The following ABR variants were observed in gnomAD, a reference collection of about 807,000 sequenced individuals.
ABR encodes the protein active breakpoint cluster region-related protein.
ABR carries 35 observed loss-of-function variants against 107.2 expected under a neutral mutation model. That is an observed-to-expected ratio of 0.33 (90% confidence interval 0.25 to 0.43). The LOEUF (loss-of-function observed/expected upper bound fraction) is 0.43. Among genes scored for constraint, ABR ranks in the 20% least tolerant of loss-of-function variants. The pLI is 1.00. For missense variants in ABR, 815 were observed against 1,115.2 expected (o/e 0.73, Z 3.83); for synonymous variants, 498 against 462.0 (o/e 1.08, Z -1.00).
At chr17:1,089,641 T>C (rs543084983) in intron 4 of ABR, among the ~76,000 whole-genome samples, 31 of 152,282 alleles carry the variant, frequency 2.0e-4, no homozygotes, top group African/African-American at 7.0e-4. Flanking sequence ...CAGTGACCAC[T>C]GGGCTGGTTC....
At position 1,011,028 on chromosome 17, in the gene ABR, T is replaced by C; in HGVS notation, c.2102-165A>G. Reference sequence around the variant, plus strand: ...CACAGGTGTCTGTGACTCGGCTCTGTGGGTCGGGGTTGGGGGAACAGGGAG... The same window carrying C: ...CACAGGTGTCTGTGACTCGGCTCTGCGGGTCGGGGTTGGGGGAACAGGGAG... On this transcript the variant is annotated intron_variant, in intron 19 of 22. Coordinates refer to ENST00000302538, the MANE Select transcript of ABR (RefSeq NM_021962.5). The surrounding 1 kb of genome is among the most constrained non-coding windows in gnomAD (Gnocchi z 4.8). The C allele has an allele frequency of 1.2e-6, 1 of 868,990 alleles. No homozygotes were observed. 53.8% of individuals were successfully genotyped at this position (868,990 alleles called of 1,614,324 possible).
intron 16 of ABR, among the ~76,000 whole-genome samples, chr17:1,038,370 G>C (rs368517604): frequency 6.6e-6 from 1 of 152,226 alleles, no homozygotes; most frequent in Non-Finnish European, 1.5e-5. Context: ...AGCTCCAGTC[G>C]TGTCTCTGCT....
At chr17:1,144,728 C>G (rs542383523) in intron 1 of ABR, among the ~76,000 whole-genome samples, 1 of 151,986 alleles carries the variant, frequency 6.6e-6, no homozygotes, top group Admixed American at 6.6e-5. Flanking sequence ...CCCGTCTCTA[C>G]TAAAAATACA....
intron 10 of ABR, among the ~76,000 whole-genome samples, chr17:1,063,095 T>C (rs566443753): frequency 5.3e-4 from 74 of 138,594 alleles, no homozygotes; most frequent in African/African-American, 1.8e-3. Flanking sequence ...ACTGCTGTTA[T>C]GTGAACTGAG....
chr17:1,120,059 T>C (rs1312440407), intron 2 of ABR, among the ~76,000 whole-genome samples: 1 of 152,112 alleles, frequency 6.6e-6, no homozygotes, highest in East Asian at 1.9e-4. Context: ...CATGCCCAGC[T>C]AATCTTAGGC....
intron 1 of ABR, among the ~76,000 whole-genome samples, chr17:1,137,006 C>CTTTTT (rs1555522402): frequency 1.8e-3 from 20 of 11,050 alleles, no homozygotes; most frequent in Admixed American, 5.8e-3. Flanking sequence ...TAAATCATTT[C>CTTTTT]TTTTTTCTCT....
At chr17:1,191,327 T>C (rs796422596), upstream of ABR, among the ~76,000 whole-genome samples, 29 of 151,722 alleles carry the variant, frequency 1.9e-4, no homozygotes, top group African/African-American at 6.8e-4. Context: ...AGTAACGATG[T>C]TCTGGATGTT....
chr17:1,211,584 A>G (rs1233464722), intron 1 of ABR, among the ~76,000 whole-genome samples: 12 of 152,220 alleles, frequency 7.9e-5, no homozygotes, highest in Non-Finnish European at 1.5e-4. Context: ...ATTCCAGGAA[A>G]TAGACACTAT....
chr17:1,057,308 T>TTGTGTGTGTG (rs750525310), intron 12 of ABR, among the ~76,000 whole-genome samples: 12 of 68,024 alleles, frequency 1.8e-4, no homozygotes, highest in Non-Finnish European at 2.4e-4. Flanking sequence ...CTGAAGAGGT[T>TTGTGTGTGTG]TGTGTGTGTG....
At chr17:1,018,047 A>C (rs562366614) in intron 16 of ABR, among the ~76,000 whole-genome samples, 1 of 150,142 alleles carries the variant, frequency 6.7e-6, no homozygotes, top group African/African-American at 2.5e-5. Flanking sequence ...TTTTTTATTT[A>C]TTTATTTATT....
At chr17:1,046,708 A>T (rs369627573) in intron 16 of ABR, among the ~76,000 whole-genome samples, 5 of 152,184 alleles carry the variant, frequency 3.3e-5, no homozygotes, top group African/African-American at 9.7e-5. Flanking sequence ...TTCGTTGACA[A>T]AGGCCTGAGA....
chr17:1,112,536 G>A (rs1249206534), intron 2 of ABR, among the ~76,000 whole-genome samples: 2 of 151,642 alleles, frequency 1.3e-5, no homozygotes, highest in East Asian at 1.9e-4. Context: ...GTTGGAGGCT[G>A]CAATGAGCTA....
At chr17:1,102,843 T>C (rs2037993981) in intron 2 of ABR, among the ~76,000 whole-genome samples, 3 of 152,160 alleles carry the variant, frequency 2.0e-5, no homozygotes, top group African/African-American at 7.2e-5. Context: ...CCCGAGTACC[T>C]GGGATTACAG....
rs868862743 is a variant in ABR at position 1,078,422 on chromosome 17, G to A, written c.700+908C>T. ...TGGCAACGCCGCCGTCCGGACCATC[G>A]CCACCCATCGCCACGCTGTGCCTGG... On this transcript the variant is annotated intron_variant, in intron 6 of 22. Coordinates refer to ENST00000302538, the MANE Select transcript of ABR (RefSeq NM_021962.5). The surrounding 1 kb of genome is among the most constrained non-coding windows in gnomAD (Gnocchi z 7.5). 6.6e-6 allele frequency among the ~76,000 whole-genome samples: 1 copy of A among 152,052 alleles called. No individual in the cohort carries two copies. Among genetic ancestry groups the A allele is most frequent in the Admixed American group, 6.5e-5 (1 of 15,272 alleles).
intron 1 of ABR, among the ~76,000 whole-genome samples, chr17:1,163,363 T>A (rs527241924): frequency 4.4e-4 from 67 of 152,342 alleles, no homozygotes; most frequent in Non-Finnish European, 9.0e-4. Context: ...TAGAAACTTT[T>A]CTTCAGCTTG....
At chr17:1,032,323 C>T (rs1038950880) in intron 16 of ABR, among the ~76,000 whole-genome samples, 60 of 152,160 alleles carry the variant, frequency 3.9e-4, no homozygotes, top group Non-Finnish European at 7.8e-4. Context: ...CCTTGTGGAC[C>T]GGCACTCAGA....
intron 16 of ABR, among the ~76,000 whole-genome samples, chr17:1,034,643 C>T (rs1451813672): frequency 6.6e-6 from 1 of 151,958 alleles, no homozygotes; most frequent in Non-Finnish European, 1.5e-5. Context: ...TGGGTCCCAG[C>T]TTTACTCTAC....
rs149704733 is a variant in ABR, at chr17:1,223,176, G to A, written c.838+5617C>T. Among the ~76,000 whole-genome samples the A allele has an allele frequency of 2.1e-3, 322 of 151,360 alleles. 2 individuals carry two copies. The highest frequency in any genetic ancestry group is 7.0e-3 in the African/African-American group (288 of 41,224). ...GAGATCTTGCCATTACACACCAGCC[G>A]GGGTGACAAGAGCCATACTCCATCT... On this transcript the variant is annotated intron_variant, in intron 1 of 22. Coordinates refer to the ABR transcript ENST00000574139.
intron 1 of ABR, among the ~76,000 whole-genome samples, chr17:1,215,297 T>C (rs1181771033): frequency 7.3e-5 from 11 of 151,370 alleles, no homozygotes; most frequent in Non-Finnish European, 1.5e-4. Context: ...GAGCCGAAGC[T>C]GGACTGTACT....
Sources: allele counts gnomAD v4.1 joint callset (sites outside exome capture counted in the v4.1 genomes callset), GRCh38; gene constraint gnomAD v4.1.1; non-coding constraint Gnocchi (gnomAD v3.1); transcripts MANE v1.5; gene names NCBI Gene and HGNC (gene_info 2026-07-23, HGNC 2026-07-21).